The following GALNT15 variants were observed in gnomAD, a reference collection of about 807,000 sequenced individuals.
GALNT15 encodes polypeptide N-acetylgalactosaminyltransferase 15.
Under a neutral mutation model 66.8 loss-of-function variants are expected in GALNT15, and 67 were observed. That is an observed-to-expected ratio of 1.00 (90% CI 0.82 to 1.23). GALNT15 has a LOEUF of 1.23. GALNT15 is among the 50% of genes most tolerant of loss of function. The pLI, the probability that GALNT15 is intolerant of heterozygous loss-of-function variation, is 0.00. For synonymous variants in GALNT15, 313 were observed against 311.5 expected (o/e 1.00, Z -0.05); for missense variants, 827 against 804.3 (o/e 1.03, Z -0.34).
chr3:16,196,004 A>G, intron 2 of GALNT15, 78 bp downstream of exon 2: 3 of 1,453,312 alleles, frequency 2.1e-6, no homozygotes, highest in Non-Finnish European at 2.8e-6. Flanking sequence ...AAAAGATTGA[A>G]GTTTGGAACT....
In GALNT15 at chr3:16,181,237, A is replaced by G. The variant is rs1343676065; in HGVS notation, c.539+5547A>G. 6.6e-6 allele frequency among the ~76,000 whole-genome samples: 1 copy of G among 152,170 alleles called. No homozygotes were observed. The highest frequency in any genetic ancestry group is 1.5e-5 in the Non-Finnish European group (1 of 68,028). On this transcript the variant is annotated intron_variant, in intron 1 of 9. Coordinates refer to ENST00000339732, the MANE Select transcript of GALNT15 (RefSeq NM_054110.5). The surrounding 1 kb of genome is among the most constrained non-coding windows in gnomAD (Gnocchi z 5.9). ...CATTGGAATTATCTGGAAAGTCTTA[A>G]AAACTATTCATACTCATGCTCCACT...
rs1226570212 is a variant in GALNT15, at chr3:16,186,910, A to G, written c.540-8850A>G. 6.6e-6 allele frequency among the ~76,000 whole-genome samples: 1 copy of G among 152,160 alleles called. No individual in the cohort carries two copies. Among genetic ancestry groups the G allele is most frequent in the Non-Finnish European group, 1.5e-5 (1 of 68,028 alleles). On this transcript the variant is annotated intron_variant, in intron 1 of 9. Transcript: ENST00000339732. This position sits in a 1 kb window ranked among gnomAD's most constrained non-coding sequence, Gnocchi z 5.1. ...TATACTTGAATCCATGGAATTGTAC[A>G]CTTTATAAAGGTGGACATTATGGTA...
At position 16,184,399 on chromosome 3, in the gene GALNT15, C is replaced by T. The variant is rs1422591240; in HGVS notation, c.539+8709C>T. 1.3e-5 allele frequency among the ~76,000 whole-genome samples: 2 copies of T among 152,216 alleles called. No homozygotes were observed. Among genetic ancestry groups the T allele is most frequent in the African/African-American group, 4.8e-5 (2 of 41,444 alleles). On this transcript the variant is annotated intron_variant, in intron 1 of 9. Coordinates refer to ENST00000339732, the MANE Select transcript of GALNT15 (RefSeq NM_054110.5). The surrounding 1 kb of genome is among the most constrained non-coding windows in gnomAD (Gnocchi z 5.0). ...GTTGGCTCAGCAATGCTATGAATGT[C>T]TTTCCTTCAGTTCCTGGTACATGCC...
intron 6 of GALNT15, among the ~76,000 whole-genome samples, chr3:16,218,644 C>G (rs1164751395): frequency 1.3e-5 from 2 of 152,070 alleles, no homozygotes; most frequent in Non-Finnish European, 2.9e-5. Flanking sequence ...CCCTAGCCCA[C>G]GATTTCCCAA....
At chr3:16,213,721 C>A (rs535809383) in intron 6 of GALNT15, among the ~76,000 whole-genome samples, 1 of 152,298 alleles carries the variant, frequency 6.6e-6, no homozygotes, top group African/African-American at 2.4e-5. Context: ...GCCCACACTG[C>A]TGGGGTGTGA....
At chr3:16,245,590 T>G in the GALNT15 span, among the ~76,000 whole-genome samples, 22,587 of 152,254 alleles carry the variant, frequency 0.15, 1,845 homozygotes, top group African/African-American at 0.19. Flanking sequence ...TGATGGCATG[T>G]GACAGAAACT....
chr3:16,241,526 G>A, the GALNT15 span, among the ~76,000 whole-genome samples: 1 of 152,024 alleles, frequency 6.6e-6, no homozygotes, highest in Admixed American at 6.6e-5. This position sits in a 1 kb window ranked among gnomAD's most constrained non-coding sequence, Gnocchi z 4.6. Flanking sequence ...CCAAAACTTA[G>A]TGGCTTAAAA....
chr3:16,201,274 C>T (rs925179085), intron 3 of GALNT15, among the ~76,000 whole-genome samples: 8 of 152,078 alleles, frequency 5.3e-5, no homozygotes, highest in African/African-American at 9.7e-5. Context: ...CTGCGCCTCC[C>T]GGGTTCACGC....
chr3:16,217,842 G>A (rs2124895673), intron 6 of GALNT15, among the ~76,000 whole-genome samples: 1 of 152,196 alleles, frequency 6.6e-6, no homozygotes, highest in East Asian at 1.9e-4. Flanking sequence ...GGTCTACGGA[G>A]GTCTCAAATA....
chr3:16,241,730 T>C, the GALNT15 span, among the ~76,000 whole-genome samples: 2 of 152,088 alleles, frequency 1.3e-5, no homozygotes, highest in Non-Finnish European at 2.9e-5. This position sits in a 1 kb window ranked among gnomAD's most constrained non-coding sequence, Gnocchi z 4.6. Flanking sequence ...TGTATTTTTG[T>C]AGACATGGGG....
the GALNT15 span, among the ~76,000 whole-genome samples, chr3:16,238,067 C>T: frequency 6.6e-6 from 1 of 152,344 alleles, no homozygotes; most frequent in Middle Eastern, 3.4e-3. The surrounding 1 kb of genome is among the most constrained non-coding windows in gnomAD (Gnocchi z 4.8). Context: ...GCAGAATTAT[C>T]TTCCAGAATA....
chr3:16,231,476 G>C (rs2064081029), downstream of GALNT15, among the ~76,000 whole-genome samples: 1 of 151,984 alleles, frequency 6.6e-6, no homozygotes, highest in Admixed American at 6.6e-5. This position sits in a 1 kb window ranked among gnomAD's most constrained non-coding sequence, Gnocchi z 4.1. Context: ...CACGGGTATG[G>C]GATGTTTATA....
Position 16,203,541 on chromosome 3 carries a change from T to TCACACACA in GALNT15, c.911+2719_911+2720insACACACAC, listed in dbSNP as rs1313366291. Among the ~76,000 whole-genome samples, 26 of 58,674 alleles carry TCACACACA rather than the reference T, an allele frequency of 4.4e-4. No homozygotes were observed. The highest frequency in any genetic ancestry group is 1.3e-3 in the East Asian group (2 of 1,600). The allele number at this position is 58,674 out of a possible 152,430, so 38.5% of individuals were successfully genotyped here. ...CTCATTCTCTCTCTCTCTCTCTCTC[T>TCACACACA]CTCACACACACACACACACACACAC... is the stretch of plus-strand genomic sequence containing the variant. On this transcript the variant is annotated intron_variant, in intron 3 of 9. Transcript: ENST00000339732. The surrounding 1 kb of genome is among the most constrained non-coding windows in gnomAD (Gnocchi z 6.2).
chr3:16,222,269 C>G (rs185823486), intron 8 of GALNT15, among the ~76,000 whole-genome samples: 80 of 152,256 alleles, frequency 5.3e-4, no homozygotes, highest in African/African-American at 1.9e-3. Flanking sequence ...AAGACATCAA[C>G]CTGGGCTTCA....
At position 16,204,455 on chromosome 3, in the gene GALNT15, T is replaced by C. The variant is rs1472361678; in HGVS notation, c.911+3632T>C. ...CTGTTCATAGCAACCCTACATAGAG[T>C]CTCCCTATGGGCAACTGATTTTAGG... On this transcript the variant is annotated intron_variant, in intron 3 of 9. Transcript: ENST00000339732. The surrounding 1 kb of genome is among the most constrained non-coding windows in gnomAD (Gnocchi z 4.5). Among the ~76,000 whole-genome samples the C allele has an allele frequency of 6.6e-6, 1 of 151,676 alleles. No homozygotes were observed. Among genetic ancestry groups the C allele is most frequent in the African/African-American group, 2.4e-5 (1 of 41,254 alleles).
intron 6 of GALNT15, among the ~76,000 whole-genome samples, chr3:16,217,110 C>T (rs560506808): frequency 6.6e-6 from 1 of 152,280 alleles, no homozygotes; most frequent in South Asian, 2.1e-4. Context: ...AAGCTATTGA[C>T]CCTGTGAAAG....
intron 3 of GALNT15, among the ~76,000 whole-genome samples, chr3:16,202,926 A>C (rs566710703): frequency 3.8e-4 from 58 of 152,358 alleles, no homozygotes; most frequent in African/African-American, 1.3e-3. Flanking sequence ...GCTGTTTTCT[A>C]TGCTGCTTTT....
chr3:16,220,208 CAT>C (rs2063928401), intron 8 of GALNT15, 194 bp downstream of exon 8: 1 of 582,742 alleles, frequency 1.7e-6, no homozygotes, highest in Non-Finnish European at 3.1e-6. Context: ...TAAGCACAGA[CAT>C]GTGCCATTGT....
rs1004167377 is a variant in GALNT15, at chr3:16,174,799, G to A, written c.-353G>A. The A allele has an allele frequency of 3.8e-6, 1 of 265,782 alleles. No homozygotes were observed. The highest frequency in any genetic ancestry group is 2.2e-5 in the African/African-American group (1 of 46,354). 16.5% of individuals were successfully genotyped at this position (265,782 alleles called of 1,614,324 possible). On this transcript the variant is annotated 5_prime_UTR_variant, in exon 1 of 10. Coordinates refer to ENST00000339732, the MANE Select transcript of GALNT15 (RefSeq NM_054110.5). This position sits in a 1 kb window ranked among gnomAD's most constrained non-coding sequence, Gnocchi z 4.7. ...ATAGCAACCTATTTATACAAAGGGG[G>A]AAAGAAACACCTGAGCAGAATGGAA... is the stretch of plus-strand genomic sequence containing the variant.
Sources: allele counts gnomAD v4.1 joint callset (sites outside exome capture counted in the v4.1 genomes callset), GRCh38; gene constraint gnomAD v4.1.1; non-coding constraint Gnocchi (gnomAD v3.1); transcripts MANE v1.5; gene names NCBI Gene and HGNC (gene_info 2026-07-23, HGNC 2026-07-21).